FAM13A: variants seen among roughly 807,000 people sequenced by gnomAD.
FAM13A encodes family with sequence similarity 13 member A, also known as protein FAM13A.
Under a neutral mutation model 129.6 loss-of-function variants are expected in FAM13A, and 76 were observed. The ratio of observed to expected loss-of-function variants is 0.59; its 90% confidence interval spans 0.49 to 0.71. The LOEUF is 0.71. Among genes scored for constraint, FAM13A ranks in the 30% least tolerant of loss-of-function variants. FAM13A has a pLI of 0.00. For synonymous variants in FAM13A, 443 were observed against 449.9 expected (o/e 0.98, Z 0.20); for missense variants, 1,108 against 1,249.3 (o/e 0.89, Z 1.70).
intron 3 of FAM13A, among the ~76,000 whole-genome samples, chr4:89,020,185 G>A (rs1021789667): frequency 1.3e-5 from 2 of 151,946 alleles, no homozygotes; most frequent in African/African-American, 4.8e-5. Context: ...TAACAAGGTG[G>A]TGGTTATGGA....
rs568172009 is a variant in FAM13A at position 88,856,889 on chromosome 4, CA to C, written c.844-5707del. On this transcript the variant is annotated intron_variant, in intron 6 of 23. Transcript: ENST00000264344. ...AAAGAGATGCTTAGTTCTGAATTTA[CA>C]AAAAAAAGATACATAGTTTTAATTT... is the stretch of plus-strand genomic sequence containing the variant. 4.6e-3 allele frequency among the ~76,000 whole-genome samples: 703 copies of C among 151,442 alleles called. 4 individuals are homozygous for C. The highest frequency in any genetic ancestry group is 0.016 in the African/African-American group (649 of 41,354).
chr4:88,946,454 G>T (rs1755898609), intron 4 of FAM13A, among the ~76,000 whole-genome samples: 2 of 135,790 alleles, frequency 1.5e-5, no homozygotes, highest in Admixed American at 8.2e-5. Context: ...TCCCAACATG[G>T]TCTCTTTTAT....
At chr4:88,824,495 C>T (rs1055301998) in intron 7 of FAM13A, among the ~76,000 whole-genome samples, 5 of 152,150 alleles carry the variant, frequency 3.3e-5, no homozygotes, top group African/African-American at 1.2e-4. Flanking sequence ...TATCATCATA[C>T]ATAATGATAA....
Position 89,014,444 on chromosome 4 carries a change from G to A in FAM13A, c.427+6016C>T, listed in dbSNP as rs1174617084. ...AATGTTTAATAACAGAAGTGTTCTG[G>A]GTCTTCAATTAGAAGTTTGGTGATG... On this transcript the variant is annotated intron_variant, in intron 3 of 23. Coordinates refer to ENST00000264344, the MANE Select transcript of FAM13A (RefSeq NM_014883.4). Among the ~76,000 whole-genome samples the A allele has an allele frequency of 6.6e-5, 10 of 152,174 alleles. No homozygotes were observed. The East Asian group carries it at 7.7e-4, about 12-fold the overall frequency.
chr4:89,003,750 T>A (rs78392223), intron 3 of FAM13A, among the ~76,000 whole-genome samples: 8,213 of 152,214 alleles, frequency 0.054, 316 homozygotes, highest in South Asian at 0.22. Context: ...TAAATTTAAC[T>A]AAATTTGTGA....
At chr4:88,903,310 G>C (rs567714474) in intron 6 of FAM13A, among the ~76,000 whole-genome samples, 1 of 152,224 alleles carries the variant, frequency 6.6e-6, no homozygotes, top group East Asian at 1.9e-4. Context: ...AAAGAACAAA[G>C]CTGGAGGTAT....
At chr4:88,734,813 G>A (rs1348362081) in intron 21 of FAM13A, among the ~76,000 whole-genome samples, 1 of 152,178 alleles carries the variant, frequency 6.6e-6, no homozygotes, top group Non-Finnish European at 1.5e-5. Context: ...CTGAGGCTGA[G>A]ACACCCTATC....
intron 8 of FAM13A, among the ~76,000 whole-genome samples, chr4:88,804,098 A>G (rs1370042389): frequency 6.6e-6 from 1 of 151,562 alleles, no homozygotes; most frequent in Non-Finnish European, 1.5e-5. Flanking sequence ...TACTAAAAAT[A>G]CAAAAATTAG....
At chr4:88,922,248 A>G (rs1313008279) in intron 5 of FAM13A, among the ~76,000 whole-genome samples, 1 of 151,934 alleles carries the variant, frequency 6.6e-6, no homozygotes, top group Non-Finnish European at 1.5e-5. Flanking sequence ...CAGAATATAC[A>G]TTTTTTTCAG....
intron 5 of FAM13A, among the ~76,000 whole-genome samples, chr4:88,910,170 T>C (rs1399335938): frequency 6.6e-6 from 1 of 152,156 alleles, no homozygotes; most frequent in Non-Finnish European, 1.5e-5. Context: ...AACTGGACAT[T>C]AATAGATCAC....
At chr4:88,946,401 C>CTTTTT (rs3067813) in intron 4 of FAM13A, among the ~76,000 whole-genome samples, 80 of 91,620 alleles carry the variant, frequency 8.7e-4, no homozygotes, top group Admixed American at 1.1e-3. Flanking sequence ...CTCCCGCGTT[C>CTTTTT]TTTTTTTTTT....
chr4:88,935,429 A>G (rs1249179838), intron 5 of FAM13A, among the ~76,000 whole-genome samples: 1 of 152,230 alleles, frequency 6.6e-6, no homozygotes, highest in African/African-American at 2.4e-5. Context: ...AGTCATTTAC[A>G]TGAGACTTGC....
chr4:89,047,338 T>C (rs950168613), intron 1 of FAM13A, among the ~76,000 whole-genome samples: 1 of 152,042 alleles, frequency 6.6e-6, no homozygotes, highest in Non-Finnish European at 1.5e-5. Context: ...AGTTCCTCAT[T>C]TTATACTCCA....
intron 7 of FAM13A, among the ~76,000 whole-genome samples, chr4:88,830,628 T>C (rs1733739844): frequency 6.6e-6 from 1 of 152,220 alleles, no homozygotes; most frequent in African/African-American, 2.4e-5. Context: ...TCTGATGATG[T>C]ATCTTGCTTT....
At chr4:88,747,542 T>A (rs1473695406) in intron 18 of FAM13A, 89 bp downstream of exon 18, 3 of 1,072,910 alleles carry the variant, frequency 2.8e-6, no homozygotes, top group African/African-American at 1.6e-5. Context: ...AGGCATCATC[T>A]TCCCACTGGG....
intron 5 of FAM13A, among the ~76,000 whole-genome samples, chr4:88,931,489 C>T (rs1274883484): frequency 1.3e-5 from 2 of 152,108 alleles, no homozygotes; most frequent in Non-Finnish European, 2.9e-5. Context: ...CTGCCTCAAA[C>T]CCTCTCCTTA....
intron 7 of FAM13A, among the ~76,000 whole-genome samples, chr4:88,819,218 C>G (rs1324706565): frequency 6.6e-6 from 1 of 152,146 alleles, no homozygotes; most frequent in Non-Finnish European, 1.5e-5. Context: ...CAGCTTCTCA[C>G]TTTGGTAGAC....
At chr4:89,056,700 A>T (rs1406736070) in intron 1 of FAM13A, among the ~76,000 whole-genome samples, 1 of 152,220 alleles carries the variant, frequency 6.6e-6, no homozygotes, top group African/African-American at 2.4e-5. Context: ...ACTTAACGGA[A>T]TAAATCAGCA....
intron 3 of FAM13A, among the ~76,000 whole-genome samples, chr4:89,010,747 C>A (rs141089431): frequency 6.6e-6 from 1 of 152,116 alleles, no homozygotes; most frequent in Admixed American, 6.5e-5. Context: ...TTCTGTGGAC[C>A]CCATCAAAGG....
Sources: gnomAD v4.1 joint callset for allele counts (sites outside exome capture counted in the v4.1 genomes callset) on GRCh38, gnomAD v4.1.1 for gene constraint, MANE v1.5 for transcripts, NCBI Gene and HGNC (gene_info 2026-07-23, HGNC 2026-07-21) for gene names.